The following EPS8 variants were observed in gnomAD, a reference collection of about 807,000 sequenced individuals.
The protein encoded by EPS8 is epidermal growth factor receptor kinase substrate 8.
A neutral mutation model predicts 103.8 loss-of-function variants in EPS8; 42 were observed. That is an observed-to-expected ratio of 0.40 (90% CI 0.32 to 0.52). The LOEUF is 0.52. EPS8 is among the 20% of genes least tolerant of loss of function. EPS8 has a pLI of 0.40. For missense variants in EPS8, 969 were observed against 1,005.1 expected, an observed-to-expected ratio of 0.96 and a Z score of 0.49; for synonymous variants, 344 against 344.6, an observed-to-expected ratio of 1.00 and a Z score of 0.02.
At chr12:15,719,478 C>G (rs899619930) in intron 1 of EPS8, among the ~76,000 whole-genome samples, 7 of 152,134 alleles carry the variant, frequency 4.6e-5, no homozygotes, top group African/African-American at 1.4e-4. Context: ...TGAAATCAGA[C>G]AAGCCGTGTC....
chr12:15,662,641 G>A, intron 8 of EPS8: 2 of 985,322 alleles, frequency 2.0e-6, no homozygotes, highest in Non-Finnish European at 2.4e-6. Flanking sequence ...TTTAAAAGCA[G>A]ACAGAAATTT....
chr12:15,623,428 C>A lies in EPS8; in HGVS notation c.2226-141G>T, dbSNP rs189485965. 462 of 657,968 alleles carry A rather than the reference C, an allele frequency of 7.0e-4. 1 individual carries two copies. The highest frequency in any genetic ancestry group is 1.0e-3 in the Non-Finnish European group (415 of 402,096). The allele number at this position is 657,968 out of a possible 1,614,324, so 40.8% of individuals were successfully genotyped here. A position where few individuals can be genotyped will look rare whatever the true frequency, so the allele number is the denominator to read the frequency against. ...AACCCTTATTAAATGCCACTACAGT[C>A]TTTATAGTTAGGGCAATGACAAGTT... On this transcript the variant is annotated intron_variant, in intron 19 of 20. Coordinates refer to ENST00000281172, the MANE Select transcript of EPS8 (RefSeq NM_004447.6).
At chr12:15,703,676 A>G (rs1369116490) in intron 1 of EPS8, among the ~76,000 whole-genome samples, 1 of 151,430 alleles carries the variant, frequency 6.6e-6, no homozygotes, top group Non-Finnish European at 1.5e-5. Flanking sequence ...AGGAGTAACA[A>G]TCATATTACT....
chr12:15,670,528 A>C (rs1369162842), intron 4 of EPS8, among the ~76,000 whole-genome samples: 1 of 152,172 alleles, frequency 6.6e-6, no homozygotes, highest in Non-Finnish European at 1.5e-5. Context: ...TAAACTAAAA[A>C]CTAAATTGCT....
chr12:15,670,198 C>T (rs1293251052), intron 4 of EPS8, among the ~76,000 whole-genome samples: 1 of 152,106 alleles, frequency 6.6e-6, no homozygotes, highest in Non-Finnish European at 1.5e-5. Context: ...AGCATTTAAA[C>T]AGCAGGCTAT....
chr12:15,718,620 A>T (rs1425840828), intron 1 of EPS8, among the ~76,000 whole-genome samples: 1 of 152,214 alleles, frequency 6.6e-6, no homozygotes, highest in Non-Finnish European at 1.5e-5. Flanking sequence ...GCTCAAATGG[A>T]ACTCCCATCC....
In EPS8 at chr12:15,635,056, T is replaced by G. The variant is rs144454630; in HGVS notation, c.1822-3392A>C. Among the ~76,000 whole-genome samples, 204 of 152,304 alleles carry G rather than the reference T, an allele frequency of 1.3e-3. 1 individual carries two copies. Among genetic ancestry groups the G allele is most frequent in the African/African-American group, 4.7e-3 (196 of 41,578 alleles). On this transcript the variant is annotated intron_variant, in intron 17 of 20. Transcript: ENST00000281172. Reference sequence around the variant, plus strand: ...GTAAAATACTAAGATATAGGTTTATTTTATTCCTATTGCTCATAAAGAATA... The same window carrying G: ...GTAAAATACTAAGATATAGGTTTATGTTATTCCTATTGCTCATAAAGAATA...
intron 1 of EPS8, among the ~76,000 whole-genome samples, chr12:15,773,219 A>G (rs531788519): frequency 8.5e-4 from 129 of 152,302 alleles, no homozygotes; most frequent in African/African-American, 2.9e-3. Context: ...ATAGGTACAT[A>G]TAAGAGAGAG....
At chr12:15,641,159 A>G (rs187923757) in intron 16 of EPS8, among the ~76,000 whole-genome samples, 4 of 152,142 alleles carry the variant, frequency 2.6e-5, no homozygotes, top group Non-Finnish European at 5.9e-5. Context: ...GGAAAGCCCC[A>G]TTGTCTCCAT....
chr12:15,708,609 G>A (rs1946420065), intron 1 of EPS8, among the ~76,000 whole-genome samples: 1 of 152,180 alleles, frequency 6.6e-6, no homozygotes, highest in Non-Finnish European at 1.5e-5. Context: ...TTTTAGTTGG[G>A]TGAAATTTTC....
At position 15,685,568 on chromosome 12, in the gene EPS8, A is replaced by C. The variant is rs74063342; in HGVS notation, c.-21-2596T>G. Among the ~76,000 whole-genome samples, 773 of 152,320 alleles carry C rather than the reference A, an allele frequency of 5.1e-3. 3 individuals carry two copies. Among genetic ancestry groups the C allele is most frequent in the African/African-American group, 0.017 (719 of 41,564 alleles). ...ATGCATGGTCTCTCTTTTGTTTTAAAATAGTGATCTGTTAGAATAAGAGAA... is the reference window on the plus strand; with the variant it reads ...ATGCATGGTCTCTCTTTTGTTTTAACATAGTGATCTGTTAGAATAAGAGAA... On this transcript the variant is annotated intron_variant, in intron 1 of 20. Coordinates refer to ENST00000281172, the MANE Select transcript of EPS8 (RefSeq NM_004447.6).
Position 15,757,886 on chromosome 12 carries a change from T to C in EPS8, c.-22+31275A>G, listed in dbSNP as rs1214667838. ...TAAGGTACTAGCTCTCACAGTTTCT[T>C]TGCATCAAGAATTCTGACAGATCTC... On this transcript the variant is annotated intron_variant, in intron 1 of 20. Coordinates refer to ENST00000281172, the MANE Select transcript of EPS8 (RefSeq NM_004447.6). This position sits in a 1 kb window ranked among gnomAD's most constrained non-coding sequence, Gnocchi z 4.1. 2.0e-5 allele frequency among the ~76,000 whole-genome samples: 3 copies of C among 152,222 alleles called. No homozygotes were observed. The highest frequency in any genetic ancestry group is 7.2e-5 in the African/African-American group (3 of 41,468).
At chr12:15,639,792 T>C (rs192011888) in intron 17 of EPS8, among the ~76,000 whole-genome samples, 1 of 152,308 alleles carries the variant, frequency 6.6e-6, no homozygotes, top group African/African-American at 2.4e-5. Flanking sequence ...GGCATAAAAA[T>C]TAACTATTTC....
rs530998098 is a variant in EPS8 at position 15,699,647 on chromosome 12, C to G, written c.-21-16675G>C. Among the ~76,000 whole-genome samples the G allele has an allele frequency of 4.3e-4, 65 of 152,242 alleles. 1 individual carries two copies. The highest frequency in any genetic ancestry group is 1.4e-3 in the African/African-American group (60 of 41,542). ...ACACATACAACTTTAGTGTACCATT[C>G]GAGGCTCGACCATAATTTTGGCTTA... On this transcript the variant is annotated intron_variant, in intron 1 of 20. Coordinates refer to ENST00000281172, the MANE Select transcript of EPS8 (RefSeq NM_004447.6).
In EPS8 at chr12:15,747,154, T is replaced by C. The variant is rs1295026814; in HGVS notation, c.-22+42007A>G. On this transcript the variant is annotated intron_variant, in intron 1 of 20. Transcript: ENST00000281172. The surrounding 1 kb of genome is among the most constrained non-coding windows in gnomAD (Gnocchi z 4.4). ...AAGCCAACCTAGTAACCCTCAATAATATATCCTATTTTTCTTGCTAGAGAT... is the reference window on the plus strand; with the variant it reads ...AAGCCAACCTAGTAACCCTCAATAACATATCCTATTTTTCTTGCTAGAGAT... 6.6e-6 allele frequency among the ~76,000 whole-genome samples: 1 copy of C among 152,200 alleles called. No homozygotes were observed. The highest frequency in any genetic ancestry group is 1.5e-5 in the Non-Finnish European group (1 of 68,036).
intron 3 of EPS8, among the ~76,000 whole-genome samples, chr12:15,673,791 G>A (rs1945857241): frequency 6.6e-6 from 1 of 152,038 alleles, no homozygotes; most frequent in Admixed American, 6.5e-5. Flanking sequence ...AGTACAAGCT[G>A]CTCAACTCCT....
rs1947247122 is a variant in EPS8 at position 15,780,324 on chromosome 12, T to C, written c.-22+8837A>G. On this transcript the variant is annotated intron_variant, in intron 1 of 20. Coordinates refer to ENST00000281172, the MANE Select transcript of EPS8 (RefSeq NM_004447.6). This position sits in a 1 kb window ranked among gnomAD's most constrained non-coding sequence, Gnocchi z 4.1. Reference sequence around the variant, plus strand: ...CCATCATGCCAACCTATTCCGCACATGTCAAACATGCTCATCTTTCTACCT... The same window carrying C: ...CCATCATGCCAACCTATTCCGCACACGTCAAACATGCTCATCTTTCTACCT... Among the ~76,000 whole-genome samples the C allele has an allele frequency of 6.6e-6, 1 of 152,054 alleles. No individual in the cohort carries two copies.
At chr12:15,768,186 T>G (rs1947116146) in intron 1 of EPS8, among the ~76,000 whole-genome samples, 1 of 151,996 alleles carries the variant, frequency 6.6e-6, no homozygotes. Context: ...ACGTTTGTAA[T>G]CCCAGCACTT....
At chr12:15,669,118 C>T (rs1945767078) in intron 6 of EPS8, among the ~76,000 whole-genome samples, 1 of 152,150 alleles carries the variant, frequency 6.6e-6, no homozygotes, top group African/African-American at 2.4e-5. Flanking sequence ...GGGCCCAAAC[C>T]CCTGGCCTCA....
Sources: gnomAD v4.1 joint callset for allele counts (sites outside exome capture counted in the v4.1 genomes callset) on GRCh38, gnomAD v4.1.1 for gene constraint, Gnocchi (gnomAD v3.1) non-coding constraint, MANE v1.5 for transcripts, NCBI Gene and HGNC (gene_info 2026-07-23, HGNC 2026-07-21) for gene names.